Variants in VPS13B observed in about 807,000 individuals in gnomAD.
The protein encoded by VPS13B is intermembrane lipid transfer protein VPS13B.
In VPS13B, 285 loss-of-function variants were observed where a neutral mutation model predicts 426.4. The observed-to-expected ratio is 0.67, with a 90% CI of 0.61 to 0.74. VPS13B has a LOEUF of 0.74. Ranked by LOEUF, VPS13B falls within the 30% of genes least tolerant of loss-of-function variation. The probability of loss-of-function intolerance (pLI) is 0.00; values close to 1 mark genes in which losing one functional copy is unlikely to be tolerated. For missense variants in VPS13B, 4,537 were observed against 4,782.6 expected, an observed-to-expected ratio of 0.95 and a Z score of 1.51; for synonymous variants, 1,676 against 1,676.4, an observed-to-expected ratio of 1.00 and a Z score of 0.01.
At chr8:99,513,039 G>A (rs1821878590) in intron 29 of VPS13B, among the ~76,000 whole-genome samples, 1 of 149,116 alleles carries the variant, frequency 6.7e-6, no homozygotes, top group Admixed American at 6.7e-5. Flanking sequence ...AAACCATAAT[G>A]TTGCAGTATC....
intron 16 of VPS13B, among the ~76,000 whole-genome samples, chr8:99,177,327 A>G (rs571479928): frequency 6.6e-6 from 1 of 152,314 alleles, no homozygotes; most frequent in East Asian, 1.9e-4. Flanking sequence ...TGGTCTTGCC[A>G]ATTTCTGTTT....
chr8:99,820,470 CTT>C (rs777400976), intron 49 of VPS13B, among the ~76,000 whole-genome samples: 7 of 152,154 alleles, frequency 4.6e-5, no homozygotes, highest in Admixed American at 1.3e-4. Context: ...CCTAGGTACT[CTT>C]TGCTGTTCTT....
At chr8:99,403,956 TTA>T (rs2133341943) in intron 21 of VPS13B, among the ~76,000 whole-genome samples, 1 of 152,336 alleles carries the variant, frequency 6.6e-6, no homozygotes, top group African/African-American at 2.4e-5. Context: ...ATTGCAGACT[TTA>T]CAACAGGCTT....
intron 3 of VPS13B, 38 bp from the exon 4 acceptor site, chr8:99,096,274 T>C: frequency 1.2e-6 from 2 of 1,612,084 alleles, no homozygotes; most frequent in Non-Finnish European, 1.7e-6. Flanking sequence ...TTGAGTATGA[T>C]CGATGGTTTT....
intron 54 of VPS13B, among the ~76,000 whole-genome samples, chr8:99,837,652 T>C (rs920366843): frequency 6.6e-6 from 1 of 152,166 alleles, no homozygotes; most frequent in African/African-American, 2.4e-5. Context: ...CCCATTAATC[T>C]TTTAGGAGCT....
intron 5 of VPS13B, 22 bp downstream of exon 5, chr8:99,103,142 C>T (rs769785963): frequency 8.1e-6 from 13 of 1,611,762 alleles, no homozygotes; most frequent in South Asian, 1.1e-5. Flanking sequence ...TGGAGAATAC[C>T]GTATATTTTT....
At chr8:99,775,964 G>A (rs189331727) in intron 40 of VPS13B, among the ~76,000 whole-genome samples, 152 of 152,284 alleles carry the variant, frequency 1.0e-3, no homozygotes, top group African/African-American at 3.5e-3. Context: ...CAAGTGAAGA[G>A]AGGACCCATG....
At chr8:99,413,930 A>G (rs547113169) in intron 21 of VPS13B, among the ~76,000 whole-genome samples, 3 of 152,304 alleles carry the variant, frequency 2.0e-5, no homozygotes, top group South Asian at 2.1e-4. Flanking sequence ...AGTTCTGTCA[A>G]TGTCTATTAG....
chr8:99,260,883 A>G (rs186132747), intron 17 of VPS13B, among the ~76,000 whole-genome samples: 36 of 152,258 alleles, frequency 2.4e-4, no homozygotes, highest in Admixed American at 5.9e-4. Flanking sequence ...ATGACATAGT[A>G]GATCAATCAA....
At chr8:99,368,340 A>G (rs1175929641) in intron 19 of VPS13B, among the ~76,000 whole-genome samples, 1 of 152,142 alleles carries the variant, frequency 6.6e-6, no homozygotes, top group Non-Finnish European at 1.5e-5. Flanking sequence ...CCCAACACAC[A>G]CACAATGTTA....
chr8:99,548,360 A>C (rs968718119), intron 30 of VPS13B, among the ~76,000 whole-genome samples: 2 of 152,032 alleles, frequency 1.3e-5, no homozygotes, highest in African/African-American at 4.8e-5. Context: ...AATGATTTTC[A>C]GTCTTTGAAA....
At chr8:99,339,076 A>T (rs1479732903) in intron 19 of VPS13B, among the ~76,000 whole-genome samples, 2 of 152,354 alleles carry the variant, frequency 1.3e-5, no homozygotes, top group Admixed American at 1.3e-4. Context: ...AAATACTTTT[A>T]GTATACATAT....
chr8:99,513,878 A>G (rs1365135856), intron 29 of VPS13B, among the ~76,000 whole-genome samples: 2 of 152,166 alleles, frequency 1.3e-5, no homozygotes, highest in African/African-American at 2.4e-5. Flanking sequence ...ATACACTGGT[A>G]AATCTTTCTG....
chr8:99,395,226 A>C (rs72674604), intron 21 of VPS13B, among the ~76,000 whole-genome samples: 4,818 of 152,344 alleles, frequency 0.032, 113 homozygotes, highest in South Asian at 0.076. Context: ...AGATGACTAG[A>C]AATTATGGAA....
chr8:99,216,660 T>C (rs1253499307), intron 17 of VPS13B, among the ~76,000 whole-genome samples: 2 of 151,470 alleles, frequency 1.3e-5, no homozygotes, highest in East Asian at 3.9e-4. Context: ...CAGTCACATG[T>C]AGCTATTGGA....
At chr8:99,374,805 G>A (rs1294212901) in intron 19 of VPS13B, among the ~76,000 whole-genome samples, 4 of 152,056 alleles carry the variant, frequency 2.6e-5, no homozygotes, top group East Asian at 3.9e-4. Flanking sequence ...GCAAGATTAG[G>A]ATCTTTGTTT....
chr8:99,627,035 G>A (rs777076450), intron 33 of VPS13B, among the ~76,000 whole-genome samples: 2 of 152,126 alleles, frequency 1.3e-5, no homozygotes, highest in Admixed American at 6.5e-5. Flanking sequence ...AATACTGCTC[G>A]ATCTCACATG....
At chr8:99,306,821 A>C (rs558529075) in intron 19 of VPS13B, among the ~76,000 whole-genome samples, 1 of 152,202 alleles carries the variant, frequency 6.6e-6, no homozygotes, top group South Asian at 2.1e-4. Flanking sequence ...AAAATTTATG[A>C]AGTGGGATGA....
At chr8:99,415,950 G>A (rs1815976857) in intron 21 of VPS13B, among the ~76,000 whole-genome samples, 4 of 152,218 alleles carry the variant, frequency 2.6e-5, no homozygotes, top group African/African-American at 9.6e-5. Flanking sequence ...ACTGTTCTGG[G>A]AGATCCACTG....
Sources: gnomAD v4.1 joint callset for allele counts (sites outside exome capture counted in the v4.1 genomes callset) on GRCh38, gnomAD v4.1.1 for gene constraint, MANE v1.5 for transcripts, NCBI Gene and HGNC (gene_info 2026-07-23, HGNC 2026-07-21) for gene names.